The following NOTCH2NLR variants were observed in gnomAD, a reference collection of about 807,000 sequenced individuals.
NOTCH2NLR encodes notch 2 N-terminal like R.
A neutral mutation model predicts 35.6 loss-of-function variants in NOTCH2NLR; 33 were observed. That is an observed-to-expected ratio of 0.93 (90% CI 0.70 to 1.24). The LOEUF is 1.24. NOTCH2NLR is among the 50% of genes most tolerant of loss of function. The pLI, the probability that NOTCH2NLR is intolerant of heterozygous loss-of-function variation, is 0.00. For synonymous variants in NOTCH2NLR, 103 were observed against 141.0 expected, an observed-to-expected ratio of 0.73 and a Z score of 1.91; for missense variants, 276 against 362.2, an observed-to-expected ratio of 0.76 and a Z score of 1.93.
chr1:120,770,468 C>T (rs1305133257), intron 2 of NOTCH2NLR, among the ~76,000 whole-genome samples: 3,352 of 110,970 alleles, frequency 0.03, 494 homozygotes, highest in African/African-American at 0.066. Context: ...CACACCCAGC[C>T]GAGGACATAG....
intron 2 of NOTCH2NLR, among the ~76,000 whole-genome samples, chr1:120,783,749 G>T (rs1325601514): frequency 8.5e-6 from 1 of 117,220 alleles, no homozygotes; most frequent in Non-Finnish European, 1.6e-5. Context: ...CGTTAGGGTG[G>T]CCATAATATA....
At position 120,785,261 on chromosome 1, in the gene NOTCH2NLR, T is replaced by C; in HGVS notation, c.415+28T>C. The C allele has an allele frequency of 2.1e-6, 3 of 1,441,680 alleles. 1 individual carries two copies. The highest frequency in any genetic ancestry group is 2.3e-5 in the East Asian group (1 of 42,848). 89.3% of individuals were successfully genotyped at this position (1,441,680 alleles called of 1,614,324 possible). On this transcript the variant is annotated intron_variant, in intron 3 of 4. Coordinates refer to ENST00000624419, the Ensembl canonical transcript of NOTCH2NLR. ...AACTAATGAGACCAAAGCCAGTGCT[T>C]CCCTACCTTCAGCAGATACCTTTAT...
rs1295357632 is a variant in NOTCH2NLR, at chr1:120,728,640, C to T, written c.73+4390C>T. ...TTTTGTCCAGAATAGCCACACCTTACTGTAATTTCATCATTTTGGGGACTA... is the reference window on the plus strand; with the variant it reads ...TTTTGTCCAGAATAGCCACACCTTATTGTAATTTCATCATTTTGGGGACTA... On this transcript the variant is annotated intron_variant, in intron 1 of 4. Transcript: ENST00000624419. 3.2e-4 allele frequency among the ~76,000 whole-genome samples: 37 copies of T among 117,194 alleles called. 4 individuals are homozygous for T. The highest frequency in any genetic ancestry group is 1.0e-3 in the African/African-American group (21 of 20,198). The allele number at this position is 117,194 out of a possible 152,430, so 76.9% of individuals were successfully genotyped here. A position where few individuals can be genotyped will look rare whatever the true frequency, so the allele number is the denominator to read the frequency against.
Position 120,727,293 on chromosome 1 carries a change from CA to C in NOTCH2NLR, c.73+3044del, listed in dbSNP as rs1431427311. On this transcript the variant is annotated intron_variant, in intron 1 of 4. Transcript: ENST00000624419. ...TTGGTTGCAACCCACTGATTAAGTA[CA>C]TTTTTTTTTACCTTCAGGTGTGTGT... Among the ~76,000 whole-genome samples the C allele has an allele frequency of 1.7e-4, 17 of 100,376 alleles. 1 individual carries two copies. The South Asian group carries it at 5.1e-3, about 30-fold the overall frequency. The allele number at this position is 100,376 out of a possible 152,430, so 65.9% of individuals were successfully genotyped here. A position where few individuals can be genotyped will look rare whatever the true frequency, so the allele number is the denominator to read the frequency against.
intron 3 of NOTCH2NLR, among the ~76,000 whole-genome samples, 160 bp from the exon 4 acceptor site, chr1:120,792,999 CTG>C (rs1651510083): frequency 1.1e-5 from 1 of 92,264 alleles, no homozygotes; most frequent in African/African-American, 7.7e-5. Context: ...GGAGAGGGCT[CTG>C]TGTCAGATTA....
At chr1:120,759,801 A>T (rs1189844502) in intron 1 of NOTCH2NLR, among the ~76,000 whole-genome samples, 1 of 116,380 alleles carries the variant, frequency 8.6e-6, no homozygotes, top group Non-Finnish European at 1.6e-5. Flanking sequence ...AAGGTAGTGT[A>T]TCCTTCATCT....
intron 3 of NOTCH2NLR, among the ~76,000 whole-genome samples, chr1:120,790,545 T>TCCC (rs1651477114): frequency 1.1e-5 from 1 of 93,202 alleles, no homozygotes; most frequent in Non-Finnish European, 1.9e-5. Flanking sequence ...CCTTTCTTTC[T>TCCC]TTCTTTCTTT....
In NOTCH2NLR at chr1:120,785,143, T is replaced by C. The variant is rs1343154494; in HGVS notation, c.325T>C (p.Cys109Arg). Reference sequence around the variant, plus strand: ...CTGCCAGTACTCGACACCTCATCCATGCTTTGTGTCTCGACCTTGCCTGAA... The same window carrying C: ...CTGCCAGTACTCGACACCTCATCCACGCTTTGTGTCTCGACCTTGCCTGAA... The change falls in exon 3 of 5, where the codon TGC becomes CGC. Residue 109 changes from cysteine (C) to arginine (R), a missense_variant. By Grantham distance (180) the Cys-to-Arg change is radical (BLOSUM62 -3). Transcript: ENST00000624419. 213 of 1,446,556 alleles carry C rather than the reference T, an allele frequency of 1.5e-4. 44 individuals carry two copies. Among genetic ancestry groups the C allele is most frequent in the Non-Finnish European group, 1.9e-4 (202 of 1,082,396 alleles). The allele number at this position is 1,446,556 out of a possible 1,614,324, so 89.6% of individuals were successfully genotyped here.
In NOTCH2NLR at chr1:120,787,926, G is replaced by T. The variant is rs1263908974; in HGVS notation, c.415+2693G>T. Among the ~76,000 whole-genome samples the T allele has an allele frequency of 2.7e-5, 3 of 109,814 alleles. 1 individual carries two copies. The highest frequency in any genetic ancestry group is 2.6e-4 in the Admixed American group (3 of 11,490). The allele number at this position is 109,814 out of a possible 152,430, so 72.0% of individuals were successfully genotyped here. On this transcript the variant is annotated intron_variant, in intron 3 of 4. Coordinates refer to ENST00000624419, the Ensembl canonical transcript of NOTCH2NLR. ...GAGGACAATTACAGTCCTCATTTCT[G>T]CAGCTGGTCACATGGTAGTAGGTGG... is the stretch of plus-strand genomic sequence containing the variant.
chr1:120,728,573 G>A (rs1650840713), intron 1 of NOTCH2NLR, among the ~76,000 whole-genome samples: 1 of 117,056 alleles, frequency 8.5e-6, no homozygotes, highest in South Asian at 2.4e-4. Context: ...TGCTTCCACT[G>A]CTTCCTGTAT....
chr1:120,793,072 C>T, intron 3 of NOTCH2NLR, 89 bp from the exon 4 acceptor site: 1 of 636,620 alleles, frequency 1.6e-6, no homozygotes, highest in East Asian at 2.7e-5. Flanking sequence ...CTTCTCCACG[C>T]AAGAGCTCGC....
chr1:120,760,220 C>G (rs1651120303), intron 1 of NOTCH2NLR, among the ~76,000 whole-genome samples: 1 of 67,302 alleles, frequency 1.5e-5, no homozygotes, highest in South Asian at 4.3e-4. Context: ...TGGAGTCTCT[C>G]TCTGTCACTC....
At chr1:120,789,408 C>T (rs1326087866) in intron 3 of NOTCH2NLR, among the ~76,000 whole-genome samples, 1 of 100,446 alleles carries the variant, frequency 1.0e-5, no homozygotes, top group African/African-American at 6.7e-5. Context: ...ACTTACAGTT[C>T]CATATGGCTG....
chr1:120,776,055 T>C lies in NOTCH2NLR; in HGVS notation c.156-8919T>C, dbSNP rs1333468601. 4.0e-3 allele frequency among the ~76,000 whole-genome samples: 445 copies of C among 112,508 alleles called. 91 individuals are homozygous for C. The highest frequency in any genetic ancestry group is 6.0e-3 in the Non-Finnish European group (358 of 59,516). 73.8% of individuals were successfully genotyped at this position (112,508 alleles called of 152,430 possible). On this transcript the variant is annotated intron_variant, in intron 2 of 4. Coordinates refer to ENST00000624419, the Ensembl canonical transcript of NOTCH2NLR. ...CCAAACTTCAAGTGTATTTATAGGGTCTTTTTAAGGGGTAAAGATTCCACA... is the reference window on the plus strand; with the variant it reads ...CCAAACTTCAAGTGTATTTATAGGGCCTTTTTAAGGGGTAAAGATTCCACA...
intron 3 of NOTCH2NLR, among the ~76,000 whole-genome samples, chr1:120,790,535 C>CCTTTCTTTCTTTCTTTCTTT (rs1189272610): frequency 3.9e-5 from 3 of 76,628 alleles, no homozygotes; most frequent in African/African-American, 9.6e-5. Flanking sequence ...TTTCTCCCTC[C>CCTTTCTTTCTTTCTTTCTTT]CTTTCTTTCT....
At chr1:120,730,320 G>A (rs1650862040) in intron 1 of NOTCH2NLR, among the ~76,000 whole-genome samples, 1 of 54,038 alleles carries the variant, frequency 1.9e-5, no homozygotes, top group East Asian at 3.7e-4. Context: ...CTCATTTCTG[G>A]TGGTCCTGCT....
chr1:120,733,249 ACTTAAT>A (rs1471279151), intron 1 of NOTCH2NLR, among the ~76,000 whole-genome samples: 1 of 92,724 alleles, frequency 1.1e-5, no homozygotes, highest in Admixed American at 1.1e-4. Flanking sequence ...GGTAAATATT[ACTTAAT>A]CTTAATATGC....
In NOTCH2NLR at chr1:120,783,654, G is replaced by T. The variant is rs1319459143; in HGVS notation, c.156-1320G>T. Among the ~76,000 whole-genome samples, 2 of 111,244 alleles carry T rather than the reference G, an allele frequency of 1.8e-5. 1 individual carries two copies. The highest frequency in any genetic ancestry group is 3.4e-5 in the Non-Finnish European group (2 of 59,272). 73.0% of individuals were successfully genotyped at this position (111,244 alleles called of 152,430 possible). Reference sequence around the variant, plus strand: ...ACTGGAACAGTGTATTTTGGAGTCAGTTACAGGAAGGAAGTTGTTTAAAAC... The same window carrying T: ...ACTGGAACAGTGTATTTTGGAGTCATTTACAGGAAGGAAGTTGTTTAAAAC... On this transcript the variant is annotated intron_variant, in intron 2 of 4. Coordinates refer to ENST00000624419, the Ensembl canonical transcript of NOTCH2NLR.
Position 120,778,448 on chromosome 1 carries a change from A to G in NOTCH2NLR, c.156-6526A>G, listed in dbSNP as rs1651323858. Among the ~76,000 whole-genome samples the G allele has an allele frequency of 4.5e-5, 5 of 111,428 alleles. 2 individuals carry two copies. The highest frequency in any genetic ancestry group is 2.8e-4 in the African/African-American group (5 of 17,576). 73.1% of individuals were successfully genotyped at this position (111,428 alleles called of 152,430 possible). The stretch of plus-strand genomic sequence containing the variant: ...TCAGTGCCGACGCAACCCACATGAG[A>G]CTTTTTTTTCCCCTTCGTTCCACAT... On this transcript the variant is annotated intron_variant, in intron 2 of 4. Transcript: ENST00000624419.
Sources: allele counts gnomAD v4.1 joint callset (sites outside exome capture counted in the v4.1 genomes callset), GRCh38; gene constraint gnomAD v4.1.1; transcripts MANE v1.5; gene names NCBI Gene and HGNC (gene_info 2026-07-23, HGNC 2026-07-21).